Variants in TLL1 observed in about 807,000 individuals in gnomAD.
The protein encoded by TLL1 is tolloid-like protein 1.
A neutral mutation model predicts 128.2 loss-of-function variants in TLL1; 49 were observed. The observed-to-expected ratio is 0.38, with a 90% confidence interval of 0.30 to 0.48. The LOEUF (loss-of-function observed/expected upper bound fraction) is 0.48, where lower values mean the gene tolerates loss of function less well. TLL1 is among the 20% of genes least tolerant of loss of function. The pLI is 0.96. For missense variants in TLL1, 1,123 were observed against 1,242.0 expected (o/e 0.90, Z 1.44); for synonymous variants, 454 against 418.8 (o/e 1.08, Z -1.03).
intron 18 of TLL1, among the ~76,000 whole-genome samples, chr4:166,084,089 G>A (rs979606616): frequency 2.0e-5 from 3 of 152,090 alleles, no homozygotes; most frequent in South Asian, 2.1e-4. Context: ...TCTAGCAGGC[G>A]TGGGGTGATA....
rs142775168 is a variant in TLL1 at position 165,988,752 on chromosome 4, A to G, written c.170-629A>G. On this transcript the variant is annotated intron_variant, in intron 1 of 20. Coordinates refer to ENST00000061240, the MANE Select transcript of TLL1 (RefSeq NM_012464.5). ...TGTCATTAAAGATAAAAAATCTGGC[A>G]TCTAGTTGTTGCCTAAATAAATATT... Among the ~76,000 whole-genome samples, 1,284 of 152,186 alleles carry G rather than the reference A, an allele frequency of 8.4e-3. 18 individuals carry two copies. Among genetic ancestry groups the G allele is most frequent in the African/African-American group, 0.028 (1,148 of 41,542 alleles).
At chr4:165,971,629 G>A (rs576697323) in intron 1 of TLL1, among the ~76,000 whole-genome samples, 498 of 152,254 alleles carry the variant, frequency 3.3e-3, no homozygotes, top group African/African-American at 0.012. Flanking sequence ...AGAAACGTGG[G>A]GGATGAGAAG....
intron 9 of TLL1, among the ~76,000 whole-genome samples, chr4:166,026,376 GAGCAA>G (rs1462844338): frequency 6.6e-6 from 1 of 150,484 alleles, no homozygotes; most frequent in African/African-American, 2.4e-5. Context: ...CTGGGTGACA[GAGCAA>G]GGCTCTGTCA....
intron 1 of TLL1, among the ~76,000 whole-genome samples, chr4:165,907,319 T>C (rs1385916679): frequency 1.3e-5 from 2 of 152,120 alleles, no homozygotes; most frequent in African/African-American, 4.8e-5. Flanking sequence ...ATTTTGCTCA[T>C]CATGATACAT....
chr4:165,974,133 CTTTTTTT>C (rs199741025), intron 1 of TLL1, among the ~76,000 whole-genome samples: 3 of 60,750 alleles, frequency 4.9e-5, no homozygotes, highest in Admixed American at 2.8e-4. Flanking sequence ...TGGACCTCAT[CTTTTTTT>C]TTTTTTTTTT....
At chr4:166,042,220 T>C (rs886662171) in intron 11 of TLL1, 77 bp downstream of exon 11, 3 of 923,030 alleles carry the variant, frequency 3.3e-6, no homozygotes, top group Non-Finnish European at 5.3e-6. Flanking sequence ...TTCATTACAA[T>C]GACATTGTGA....
intron 12 of TLL1, chr4:166,044,534 AC>A: frequency 9.9e-7 from 1 of 1,011,202 alleles, no homozygotes; most frequent in Non-Finnish European, 1.4e-6. Context: ...TATACTTTCT[AC>A]TTTAATCATT....
intron 5 of TLL1, among the ~76,000 whole-genome samples, chr4:166,003,099 A>T (rs1397059561): frequency 6.6e-6 from 1 of 152,184 alleles, no homozygotes; most frequent in East Asian, 1.9e-4. Context: ...CATCACCATG[A>T]TAATTAGTTT....
chr4:165,944,722 TGTG>T (rs747988860), intron 1 of TLL1, among the ~76,000 whole-genome samples: 1 of 151,948 alleles, frequency 6.6e-6, no homozygotes, highest in Non-Finnish European at 1.5e-5. Flanking sequence ...TGGTGACTCT[TGTG>T]GTGGTGGTTA....
chr4:165,986,430 T>C (rs1287893159), intron 1 of TLL1, among the ~76,000 whole-genome samples: 2 of 134,700 alleles, frequency 1.5e-5, no homozygotes, highest in Non-Finnish European at 3.0e-5. Flanking sequence ...TAACGTGCCT[T>C]TTTTTTTCTG....
intron 15 of TLL1, among the ~76,000 whole-genome samples, chr4:166,063,688 G>A (rs1182127068): frequency 6.6e-6 from 1 of 152,110 alleles, no homozygotes. Flanking sequence ...CATGTCCTTT[G>A]TAGAGACATG....
intron 1 of TLL1, among the ~76,000 whole-genome samples, chr4:165,948,527 C>A (rs1172597379): frequency 6.6e-6 from 1 of 151,790 alleles, no homozygotes; most frequent in East Asian, 1.9e-4. Flanking sequence ...GCTGAGAAAC[C>A]CAAGGTTGAC....
intron 1 of TLL1, among the ~76,000 whole-genome samples, chr4:165,986,419 C>T (rs1032988975): frequency 1.3e-4 from 19 of 150,164 alleles, no homozygotes; most frequent in African/African-American, 4.8e-4. Flanking sequence ...GTTGAAAGTT[C>T]TAACGTGCCT....
chr4:165,927,975 G>A (rs1312508682), intron 1 of TLL1, among the ~76,000 whole-genome samples: 1 of 151,818 alleles, frequency 6.6e-6, no homozygotes, highest in Non-Finnish European at 1.5e-5. Flanking sequence ...GTGTCACTTG[G>A]TATGGAGATG....
chr4:166,093,488 C>T (rs556053735), intron 19 of TLL1, among the ~76,000 whole-genome samples: 5 of 152,124 alleles, frequency 3.3e-5, no homozygotes, highest in Non-Finnish European at 5.9e-5. Flanking sequence ...TGCCATAGGG[C>T]GGTTTTTCTC....
At chr4:165,883,749 A>T (rs999613120) in intron 1 of TLL1, among the ~76,000 whole-genome samples, 1 of 152,176 alleles carries the variant, frequency 6.6e-6, no homozygotes, top group African/African-American at 2.4e-5. Flanking sequence ...AAAACATTTC[A>T]TATCTCAAGT....
At chr4:166,052,133 T>C (rs1209477725) in intron 12 of TLL1, among the ~76,000 whole-genome samples, 1 of 152,088 alleles carries the variant, frequency 6.6e-6, no homozygotes, top group Non-Finnish European at 1.5e-5. Context: ...AAATCTGAAA[T>C]TTTGAGTTTC....
At chr4:166,043,199 G>A (rs1739315635) in intron 11 of TLL1, 75 bp from the exon 12 acceptor site, 1 of 1,603,012 alleles carries the variant, frequency 6.2e-7, no homozygotes, top group South Asian at 1.1e-5. Flanking sequence ...GAACTTCAAT[G>A]TTACCCTAGA....
At chr4:165,961,207 G>A (rs1331425972) in intron 1 of TLL1, among the ~76,000 whole-genome samples, 1 of 151,454 alleles carries the variant, frequency 6.6e-6, no homozygotes, top group Non-Finnish European at 1.5e-5. Flanking sequence ...TCAAGAACAC[G>A]GTCCCATTTA....
Sources: gnomAD v4.1 joint callset for allele counts (sites outside exome capture counted in the v4.1 genomes callset) on GRCh38, gnomAD v4.1.1 for gene constraint, MANE v1.5 for transcripts, NCBI Gene and HGNC (gene_info 2026-07-23, HGNC 2026-07-21) for gene names.